The following NSD1 variants were observed in gnomAD, a reference collection of about 807,000 sequenced individuals.
The protein encoded by NSD1 is histone-lysine N-methyltransferase, H3 lysine-36 specific.
Under a neutral mutation model 242.7 loss-of-function variants are expected in NSD1, and 26 were observed. That is an observed-to-expected ratio of 0.11 (90% CI 0.08 to 0.15). The LOEUF (loss-of-function observed/expected upper bound fraction) is 0.15. Among genes scored for constraint, NSD1 ranks in the 10% least tolerant of loss-of-function variants. The pLI is 1.00. For synonymous variants in NSD1, 1,106 were observed against 1,178.1 expected (o/e 0.94, Z 1.25); for missense variants, 2,495 against 3,272.8 (o/e 0.76, Z 5.80).
At chr5:177,242,643 C>T (rs2149893070) in intron 8 of NSD1, among the ~76,000 whole-genome samples, 1 of 152,022 alleles carries the variant, frequency 6.6e-6, no homozygotes, top group African/African-American at 2.4e-5. Flanking sequence ...TTCTCCTACC[C>T]CAGCCTCCGA....
intron 4 of NSD1, among the ~76,000 whole-genome samples, chr5:177,209,332 A>G (rs1763142850): frequency 6.6e-6 from 1 of 151,852 alleles, no homozygotes; most frequent in African/African-American, 2.4e-5. Flanking sequence ...GTTTGAGACC[A>G]GCCTGGCCAA....
At chr5:177,231,360 C>T (rs1237184933) in intron 5 of NSD1, among the ~76,000 whole-genome samples, 3 of 152,212 alleles carry the variant, frequency 2.0e-5, no homozygotes, top group African/African-American at 7.2e-5. Flanking sequence ...ACTTGGATTA[C>T]AGGCGTGGGC....
At chr5:177,155,561 CT>C (rs58025377) in intron 2 of NSD1, among the ~76,000 whole-genome samples, 14,637 of 96,570 alleles carry the variant, frequency 0.15, 1,256 homozygotes, top group African/African-American at 0.33. Context: ...ACCGCACTGG[CT>C]TTTTTTTTTT....
At chr5:177,247,906 A>T in intron 10 of NSD1, 2 of 985,082 alleles carry the variant, frequency 2.0e-6, no homozygotes, top group Non-Finnish European at 2.4e-6. Flanking sequence ...AAACTTAAGA[A>T]TGTTTTCTCT....
chr5:177,179,215 G>T (rs975112845), intron 2 of NSD1, among the ~76,000 whole-genome samples: 11 of 151,844 alleles, frequency 7.2e-5, no homozygotes, highest in African/African-American at 2.4e-4. Flanking sequence ...TGTTTTTTTT[G>T]TTTGTTTTGT....
At position 177,248,218 on chromosome 5, in the gene NSD1, A is replaced by G. The variant is rs769887309; in HGVS notation, c.4535A>G (p.Lys1512Arg). 5 of 1,614,172 alleles carry G rather than the reference A, an allele frequency of 3.1e-6. No homozygotes were observed. Among genetic ancestry groups the G allele is most frequent in the South Asian group, 1.1e-5 (1 of 91,078 alleles). ...LMPHRTATSP[K>R]ETVEEGVEHD... ...CCTCACAGGACGGCCACAAGCCCCA[A>G]GGAGACTGTTGAGGAAGGTGTAGAA... The change falls in exon 11 of 23, where the codon AAG becomes AGG. Residue 1512 changes from lysine (K) to arginine (R), a missense_variant. Physicochemically the swap from Lys to Arg is conservative, Grantham distance 26 (BLOSUM62 2). Coordinates refer to ENST00000439151, the MANE Select transcript of NSD1 (RefSeq NM_022455.5).
rs1340526131 is a variant in NSD1, at chr5:177,295,949, TACAG to T, written c.*491_*494del. ...CCGGGTGCTAGTCACTGATGAGAGATACAGGCCTCATCCCTGTGAGCCTGGATTC... is the reference window on the plus strand; with the variant it reads ...CCGGGTGCTAGTCACTGATGAGAGATGCCTCATCCCTGTGAGCCTGGATTC... On this transcript the variant is annotated 3_prime_UTR_variant, in exon 23 of 23. Transcript: ENST00000439151. This position sits in a 1 kb window ranked among gnomAD's most constrained non-coding sequence, Gnocchi z 4.3. The T allele has an allele frequency of 3.3e-6, 1 of 305,618 alleles. No individual in the cohort carries two copies. The highest frequency in any genetic ancestry group is 6.2e-6 in the Non-Finnish European group (1 of 161,292). The allele number at this position is 305,618 out of a possible 1,614,324, so 18.9% of individuals were successfully genotyped here.
chr5:177,234,232 C>T (rs372562409), intron 5 of NSD1, among the ~76,000 whole-genome samples: 7 of 152,152 alleles, frequency 4.6e-5, no homozygotes, highest in African/African-American at 1.4e-4. Context: ...AAGAGGCTCC[C>T]GTTTCTTTGT....
chr5:177,194,648 T>A (rs1445221781), intron 3 of NSD1, among the ~76,000 whole-genome samples: 3 of 149,000 alleles, frequency 2.0e-5, no homozygotes, highest in African/African-American at 4.9e-5. Context: ...TTTGATTTTA[T>A]ATTTTGAATA....
intron 2 of NSD1, among the ~76,000 whole-genome samples, chr5:177,145,490 C>T (rs1757163146): frequency 6.6e-6 from 1 of 152,132 alleles, no homozygotes; most frequent in Non-Finnish European, 1.5e-5. Context: ...TGCTATGTTG[C>T]CCAGGCTGGT....
At chr5:177,193,399 T>C (rs981520619) in intron 3 of NSD1, among the ~76,000 whole-genome samples, 1 of 152,012 alleles carries the variant, frequency 6.6e-6, no homozygotes, top group Non-Finnish European at 1.5e-5. Context: ...GCCTCGGCCT[T>C]ACAAAATGCT....
At chr5:177,157,751 C>G (rs1158965014) in intron 2 of NSD1, among the ~76,000 whole-genome samples, 1 of 152,204 alleles carries the variant, frequency 6.6e-6, no homozygotes, top group Non-Finnish European at 1.5e-5. Flanking sequence ...CCATTCCCAG[C>G]AGTCATTTCC....
At chr5:177,189,743 G>A (rs182796441) in intron 2 of NSD1, among the ~76,000 whole-genome samples, 7 of 152,148 alleles carry the variant, frequency 4.6e-5, no homozygotes, top group African/African-American at 1.7e-4. Flanking sequence ...GAATAAATAA[G>A]CAAGTTCCAT....
intron 9 of NSD1, among the ~76,000 whole-genome samples, chr5:177,245,220 C>T (rs749142021): frequency 2.6e-5 from 4 of 152,204 alleles, no homozygotes; most frequent in African/African-American, 4.8e-5. Flanking sequence ...GGCAACAATG[C>T]GAGACCATGT....
At chr5:177,181,969 G>A (rs367812292) in intron 2 of NSD1, among the ~76,000 whole-genome samples, 1 of 151,836 alleles carries the variant, frequency 6.6e-6, no homozygotes, top group Non-Finnish European at 1.5e-5. Context: ...TGGCTAACAC[G>A]GTGAAACCCT....
At chr5:177,152,381 ATT>A (rs1437173646) in intron 2 of NSD1, among the ~76,000 whole-genome samples, 1 of 146,064 alleles carries the variant, frequency 6.8e-6, no homozygotes, top group African/African-American at 2.5e-5. Context: ...ATTTATATTT[ATT>A]TTTTTGGAAC....
chr5:177,264,937 C>T, intron 14 of NSD1: 1 of 888,410 alleles, frequency 1.1e-6, no homozygotes, highest in Non-Finnish European at 1.9e-6. Context: ...CAAGTGTTAT[C>T]ATGGCAAAAC....
At chr5:177,158,237 A>ATTTCTTTCTTTCTTTCTTTCTTTC in intron 2 of NSD1, among the ~76,000 whole-genome samples, 1 of 109,046 alleles carries the variant, frequency 9.2e-6, no homozygotes, top group Non-Finnish European at 1.9e-5. Context: ...ATGGGTTCTA[A>ATTTCTTTCTTTCTTTCTTTCTTTC]TTTCTTTCTT....
At chr5:177,190,685 TC>T (rs1554185151) in intron 2 of NSD1, among the ~76,000 whole-genome samples, 2 of 151,786 alleles carry the variant, frequency 1.3e-5, no homozygotes, top group East Asian at 3.9e-4. Context: ...TTTTTTTTTT[TC>T]CGAGACGGAG....
Sources: gnomAD v4.1 joint callset for allele counts (sites outside exome capture counted in the v4.1 genomes callset) on GRCh38, gnomAD v4.1.1 for gene constraint, Gnocchi (gnomAD v3.1) non-coding constraint, MANE v1.5 for transcripts, NCBI Gene and HGNC (gene_info 2026-07-23, HGNC 2026-07-21) for gene names.